The following PUS7 variants were observed in gnomAD, a reference collection of about 807,000 sequenced individuals.
PUS7 encodes the protein pseudouridylate synthase 7 homolog.
PUS7 carries 48 observed loss-of-function variants against 79.8 expected under a neutral mutation model. The ratio of observed to expected loss-of-function variants is 0.60; its 90% CI spans 0.48 to 0.76. The LOEUF is 0.76. Ranked by LOEUF, PUS7 falls within the 30% of genes least tolerant of loss-of-function variation. The pLI, the probability that PUS7 is intolerant of heterozygous loss-of-function variation, is 0.00. For synonymous variants in PUS7, 286 were observed against 272.2 expected (o/e 1.05, Z -0.50); for missense variants, 729 against 797.6 (o/e 0.91, Z 1.04).
chr7:105,496,210 T>TAGAGAG (rs1825014095), intron 5 of PUS7, among the ~76,000 whole-genome samples: 3 of 70,552 alleles, frequency 4.3e-5, no homozygotes, highest in Non-Finnish European at 7.9e-5. Flanking sequence ...TATATATATA[T>TAGAGAG]ATATATATAT....
At chr7:105,476,554 C>T (rs1396431329) in intron 9 of PUS7, among the ~76,000 whole-genome samples, 1 of 152,120 alleles carries the variant, frequency 6.6e-6, no homozygotes, top group African/African-American at 2.4e-5. Context: ...GACGGGTTTT[C>T]ACCATGTTGG....
chr7:105,476,723 C>A (rs757760949), intron 9 of PUS7, among the ~76,000 whole-genome samples: 4 of 152,208 alleles, frequency 2.6e-5, no homozygotes, highest in African/African-American at 9.6e-5. Context: ...ACATCCCCAC[C>A]AGCAAAGCCC....
chr7:105,514,952 G>A (rs1172459061), intron 1 of PUS7, among the ~76,000 whole-genome samples: 5 of 151,974 alleles, frequency 3.3e-5, no homozygotes, highest in Non-Finnish European at 5.9e-5. Flanking sequence ...CCGCCACCAC[G>A]CCTAGCTAAT....
At position 105,502,757 on chromosome 7, in the gene PUS7, T is replaced by A. The variant is rs41276163; in HGVS notation, c.586-193A>T. ...CTCTGTCGCTCAAGCTGGAGTGCAG[T>A]GGAGTGATCTCAGCTCACTGCAACC... On this transcript the variant is annotated intron_variant, in intron 4 of 15. Transcript: ENST00000469408. Among the ~76,000 whole-genome samples the A allele has an allele frequency of 0.018, 2,699 of 152,338 alleles. 40 individuals are homozygous for A. The highest frequency in any genetic ancestry group is 0.026 in the Non-Finnish European group (1,771 of 68,024).
At chr7:105,502,628 G>T in intron 4 of PUS7, 64 bp from the exon 5 acceptor site, 1 of 1,544,522 alleles carries the variant, frequency 6.5e-7, no homozygotes. Flanking sequence ...AAGTAATACA[G>T]TGAATTAGTA....
intron 5 of PUS7, among the ~76,000 whole-genome samples, chr7:105,499,130 G>A (rs1337314599): frequency 2.0e-5 from 3 of 152,208 alleles, no homozygotes; most frequent in East Asian, 3.8e-4. Context: ...ATGCTCCGGT[G>A]AAAAGACACC....
chr7:105,493,543 A>G (rs1022283146), intron 6 of PUS7, among the ~76,000 whole-genome samples: 1 of 152,174 alleles, frequency 6.6e-6, no homozygotes, highest in African/African-American at 2.4e-5. Flanking sequence ...GTCTCCCCCA[A>G]AATTAGTATG....
chr7:105,459,333 T>A, intron 14 of PUS7, 74 bp from the exon 15 acceptor site: 1 of 896,282 alleles, frequency 1.1e-6, no homozygotes, highest in Non-Finnish European at 1.7e-6. Context: ...CATCATCATT[T>A]ATTTAGCAAG....
At chr7:105,462,886 A>C in intron 13 of PUS7, 136 bp from the exon 14 acceptor site, 1 of 836,660 alleles carries the variant, frequency 1.2e-6, no homozygotes, top group Non-Finnish European at 1.8e-6. Context: ...TTATAATCCA[A>C]AATCTGTTCC....
intron 9 of PUS7, 26 bp from the exon 10 acceptor site, chr7:105,472,219 C>CA: frequency 7.2e-7 from 1 of 1,388,166 alleles, no homozygotes; most frequent in East Asian, 2.3e-5. Context: ...ATTTATTTTA[C>CA]TAAATTTTGC....
chr7:105,472,390 C>T (rs1282553469), intron 9 of PUS7, among the ~76,000 whole-genome samples, 197 bp from the exon 10 acceptor site: 3 of 152,110 alleles, frequency 2.0e-5, no homozygotes, highest in South Asian at 2.1e-4. Flanking sequence ...GGACTACAGA[C>T]GCACACCACC....
Position 105,506,012 on chromosome 7 carries a change from C to T in PUS7, c.528G>A (p.Lys176=). Residue 176 remains lysine, a synonymous_variant, in exon 4 of 16, where the codon AAG becomes AAA. Coordinates refer to ENST00000469408, the MANE Select transcript of PUS7 (RefSeq NM_019042.5). ...ACAGCTGGAGCTCTTCCAATCGCTG[C>T]TTTTCTTCAGCTGTCAAAACTGTAA... is the stretch of plus-strand genomic sequence containing the variant. ...DIFTVLTAEE[K]QRLEELQLFK... is the part of the protein sequence containing the mutation. The T allele has an allele frequency of 1.2e-6, 2 of 1,613,942 alleles. No individual in the cohort carries two copies. Among genetic ancestry groups the T allele is most frequent in the Non-Finnish European group, 1.7e-6 (2 of 1,179,918 alleles).
At position 105,505,948 on chromosome 7, in the gene PUS7, TA is replaced by T; in HGVS notation, c.585+6del. On this transcript the variant is annotated splice_donor_region_variant and intron_variant, in intron 4 of 15. Coordinates refer to ENST00000469408, the MANE Select transcript of PUS7 (RefSeq NM_019042.5). ...AATAATTTTTCATATATTTTTGCAT[TA>T]GTTACCTCAATGGCAACACTGGTTT... 6.3e-7 allele frequency: 1 copy of T among 1,594,536 alleles called. No homozygotes were observed. Among genetic ancestry groups the T allele is most frequent in the Non-Finnish European group, 8.5e-7 (1 of 1,169,942 alleles).
intron 10 of PUS7, among the ~76,000 whole-genome samples, chr7:105,471,923 A>C (rs1421707074): frequency 1.3e-5 from 2 of 151,848 alleles, no homozygotes; most frequent in East Asian, 3.9e-4. Context: ...AAAAAAAAAA[A>C]AAAAAGCTAA....
chr7:105,496,226 T>TATATAGAG (rs1197032072), intron 5 of PUS7, among the ~76,000 whole-genome samples: 2 of 81,134 alleles, frequency 2.5e-5, no homozygotes, highest in African/African-American at 4.7e-5. Context: ...TATATATATA[T>TATATAGAG]AGAGAGAGAG....
intron 9 of PUS7, among the ~76,000 whole-genome samples, chr7:105,478,839 T>C (rs1046693086): frequency 2.0e-5 from 3 of 152,250 alleles, no homozygotes; most frequent in Non-Finnish European, 4.4e-5. Flanking sequence ...AATTTTGAGC[T>C]GACCGTACTG....
chr7:105,480,207 C>T (rs1368763339), intron 9 of PUS7, among the ~76,000 whole-genome samples: 1 of 152,098 alleles, frequency 6.6e-6, no homozygotes, highest in African/African-American at 2.4e-5. Context: ...CGTAGTGGCT[C>T]ACACTTGTAA....
At chr7:105,493,433 A>G (rs1004981139) in intron 6 of PUS7, among the ~76,000 whole-genome samples, 11 of 152,250 alleles carry the variant, frequency 7.2e-5, no homozygotes, top group African/African-American at 2.4e-4. Context: ...TCTCTGGCTC[A>G]GGTACAGGCA....
chr7:105,492,536 C>G (rs1453096891), intron 6 of PUS7, among the ~76,000 whole-genome samples: 1 of 133,990 alleles, frequency 7.5e-6, no homozygotes, highest in Non-Finnish European at 1.6e-5. Context: ...GACAGAGTCT[C>G]GCTCTGTCGC....
Sources: gnomAD v4.1 joint callset for allele counts (sites outside exome capture counted in the v4.1 genomes callset) on GRCh38, gnomAD v4.1.1 for gene constraint, MANE v1.5 for transcripts, NCBI Gene and HGNC (gene_info 2026-07-23, HGNC 2026-07-21) for gene names.